Variants in RAB27A observed in about 807,000 individuals in gnomAD.
The protein encoded by RAB27A is RAB27A, member RAS oncogene family.
In RAB27A, 17 loss-of-function variants were observed where a neutral mutation model predicts 20.8. That is an observed-to-expected ratio of 0.82 (90% CI 0.56 to 1.23). The LOEUF (loss-of-function observed/expected upper bound fraction) is 1.23, where lower values mean the gene tolerates loss of function less well. Ranked by LOEUF, RAB27A falls within the 50% of genes most tolerant of loss-of-function variation. The probability of loss-of-function intolerance (pLI) is 0.00; values close to 1 mark genes in which losing one functional copy is unlikely to be tolerated. For synonymous variants in RAB27A, 85 were observed against 92.8 expected (o/e 0.92, Z 0.48); for missense variants, 277 against 266.7 (o/e 1.04, Z -0.27).
chr15:55,288,253 G>A lies in RAB27A; in HGVS notation c.-143+1463C>T, dbSNP rs184443174. 6.1e-4 allele frequency among the ~76,000 whole-genome samples: 93 copies of A among 152,268 alleles called. No homozygotes were observed. In the East Asian group the frequency reaches 8.9e-3, roughly 15 times the overall value. On this transcript the variant is annotated intron_variant, in intron 1 of 6. Transcript: ENST00000336787. ...AAGGAAAAATAGGCTCGGTGCAGTG[G>A]CTCAAGCCTATAATCCCAGCACTTT...
intron 1 of RAB27A, among the ~76,000 whole-genome samples, chr15:55,276,944 G>C (rs1325600101): frequency 6.6e-6 from 1 of 152,154 alleles, no homozygotes; most frequent in Non-Finnish European, 1.5e-5. Flanking sequence ...AATTCATCAA[G>C]ATGTATACAT....
chr15:55,308,609 G>C (rs889026929), intron 2 of RAB27A, among the ~76,000 whole-genome samples: 4 of 152,228 alleles, frequency 2.6e-5, no homozygotes, highest in African/African-American at 9.6e-5. Flanking sequence ...CCCTCGAGCG[G>C]TGTAGGTTTG....
chr15:55,215,048 G>A (rs1895213633), intron 6 of RAB27A, among the ~76,000 whole-genome samples: 1 of 152,114 alleles, frequency 6.6e-6, no homozygotes, highest in Admixed American at 6.6e-5. Flanking sequence ...TGAAAAAGCA[G>A]TTGAAAAACT....
At chr15:55,294,795 G>C (rs2054940888), upstream of RAB27A, among the ~76,000 whole-genome samples, 1 of 151,962 alleles carries the variant, frequency 6.6e-6, no homozygotes. Context: ...TCTTAGATTT[G>C]ACACCAAAAG....
At chr15:55,262,859 C>G (rs1191898623) in intron 2 of RAB27A, among the ~76,000 whole-genome samples, 1 of 152,032 alleles carries the variant, frequency 6.6e-6, no homozygotes, top group African/African-American at 2.4e-5. Flanking sequence ...CCAGCCCAGT[C>G]TCGTCATGTC....
chr15:55,300,594 G>C (rs532762896), intron 2 of RAB27A, among the ~76,000 whole-genome samples: 5 of 152,234 alleles, frequency 3.3e-5, no homozygotes, highest in African/African-American at 9.6e-5. Flanking sequence ...CAAGAGAATC[G>C]CTTGAACCCG....
At chr15:55,259,082 C>A (rs1212902198) in intron 2 of RAB27A, among the ~76,000 whole-genome samples, 2 of 152,124 alleles carry the variant, frequency 1.3e-5, no homozygotes, top group Admixed American at 6.5e-5. Flanking sequence ...GTCCAAAGTG[C>A]TGAGATTATA....
At chr15:55,292,211 C>G (rs1468694047), upstream of RAB27A, among the ~76,000 whole-genome samples, 2 of 152,168 alleles carry the variant, frequency 1.3e-5, no homozygotes, top group Non-Finnish European at 2.9e-5. Context: ...TATGAGTCAG[C>G]CAATATGCTA....
At chr15:55,229,616 G>A (rs1312451720) in intron 4 of RAB27A, among the ~76,000 whole-genome samples, 1 of 151,842 alleles carries the variant, frequency 6.6e-6, no homozygotes, top group Non-Finnish European at 1.5e-5. Flanking sequence ...TAGAGGTTGC[G>A]GTGAGCTGAG....
At chr15:55,274,815 T>TATATATATATATATATATACAC (rs1188210380) in intron 1 of RAB27A, among the ~76,000 whole-genome samples, 2 of 135,106 alleles carry the variant, frequency 1.5e-5, no homozygotes, top group African/African-American at 5.4e-5. Flanking sequence ...TATATATATA[T>TATATATATATATATATATACAC]ATATATATAT....
chr15:55,215,454 C>T (rs1490965206), intron 6 of RAB27A, among the ~76,000 whole-genome samples: 1 of 148,100 alleles, frequency 6.8e-6, no homozygotes, highest in Non-Finnish European at 1.5e-5. Context: ...AGATCGAGAC[C>T]ATCCTGGCTA....
At chr15:55,217,663 C>CAAAAAAAAAAAAAAAAAAAA (rs199813098) in intron 6 of RAB27A, among the ~76,000 whole-genome samples, 1 of 43,544 alleles carries the variant, frequency 2.3e-5, no homozygotes. Flanking sequence ...CACTCCATCT[C>CAAAAAAAAAAAAAAAAAAAA]AAAAAAAAAA....
chr15:55,210,043 TGTAC>T (rs1894906871), intron 6 of RAB27A, among the ~76,000 whole-genome samples: 1 of 144,198 alleles, frequency 6.9e-6, no homozygotes. Flanking sequence ...TGTGTGTACA[TGTAC>T]ATATATACAC....
intron 1 of RAB27A, among the ~76,000 whole-genome samples, chr15:55,285,692 A>C (rs1296715274): frequency 6.6e-6 from 1 of 152,266 alleles, no homozygotes. Flanking sequence ...TTCAAGAACC[A>C]ATCTTGTTTT....
At chr15:55,294,589 GAAA>G (rs1181179911), upstream of RAB27A, among the ~76,000 whole-genome samples, 6 of 29,180 alleles carry the variant, frequency 2.1e-4, no homozygotes, top group Admixed American at 5.5e-4. Context: ...CCCTGTCTCC[GAAA>G]AAAAAAAAAA....
intron 2 of RAB27A, among the ~76,000 whole-genome samples, chr15:55,267,459 C>A (rs1482484178): frequency 6.6e-6 from 1 of 152,104 alleles, no homozygotes; most frequent in Non-Finnish European, 1.5e-5. Context: ...ACCTGCCCCC[C>A]AGCCTACACC....
intron 2 of RAB27A, among the ~76,000 whole-genome samples, chr15:55,241,603 T>TATATAG (rs1346274306): frequency 1.5e-5 from 1 of 66,692 alleles, no homozygotes; most frequent in African/African-American, 5.1e-5. Flanking sequence ...GACCTATTTA[T>TATATAG]ATATATATAT....
chr15:55,215,295 G>C (rs1013216568), intron 6 of RAB27A, among the ~76,000 whole-genome samples: 1 of 152,162 alleles, frequency 6.6e-6, no homozygotes, highest in African/African-American at 2.4e-5. Context: ...AAAACATAGT[G>C]AAAGTACTTT....
chr15:55,306,112 G>C (rs967160762), intron 2 of RAB27A, among the ~76,000 whole-genome samples: 4 of 152,066 alleles, frequency 2.6e-5, no homozygotes, highest in African/African-American at 7.2e-5. Context: ...GACTATTCGT[G>C]GGGGGGAGTT....
Sources: allele counts gnomAD v4.1 joint callset (sites outside exome capture counted in the v4.1 genomes callset), GRCh38; gene constraint gnomAD v4.1.1; transcripts MANE v1.5; gene names NCBI Gene and HGNC (gene_info 2026-07-23, HGNC 2026-07-21).